Variants in CSMD3 observed in about 807,000 individuals in gnomAD.
The protein encoded by CSMD3 is CUB and sushi domain-containing protein 3.
A neutral mutation model predicts 435.2 loss-of-function variants in CSMD3; 177 were observed. The ratio of observed to expected loss-of-function variants is 0.41; its 90% CI spans 0.36 to 0.46. The LOEUF (loss-of-function observed/expected upper bound fraction) is 0.46, where lower values mean the gene tolerates loss of function less well. Ranked by LOEUF, CSMD3 falls within the 20% of genes least tolerant of loss-of-function variation. The pLI, the probability that CSMD3 is intolerant of heterozygous loss-of-function variation, is 0.34. For synonymous variants in CSMD3, 1,656 were observed against 1,520.5 expected (o/e 1.09, Z -2.07); for missense variants, 4,265 against 4,504.6 (o/e 0.95, Z 1.52).
At chr8:112,488,450 G>T (rs746468617) in intron 31 of CSMD3, among the ~76,000 whole-genome samples, 3 of 152,130 alleles carry the variant, frequency 2.0e-5, no homozygotes, top group Admixed American at 6.5e-5. Context: ...GATCATGTTG[G>T]TATTTGCTTC....
chr8:112,571,084 T>C (rs1829473656), intron 24 of CSMD3, among the ~76,000 whole-genome samples: 1 of 152,198 alleles, frequency 6.6e-6, no homozygotes, highest in Admixed American at 6.5e-5. Context: ...CTTGGCTCAC[T>C]GCAACCTCTC....
intron 13 of CSMD3, among the ~76,000 whole-genome samples, chr8:112,718,848 A>G (rs183333059): frequency 6.6e-6 from 1 of 152,210 alleles, no homozygotes; most frequent in African/African-American, 2.4e-5. Flanking sequence ...CCCATTACCT[A>G]ACACAGTGCC....
intron 3 of CSMD3, among the ~76,000 whole-genome samples, chr8:113,259,837 A>ATGGTTTGGGAC (rs2093412699): frequency 6.6e-6 from 1 of 152,124 alleles, no homozygotes; most frequent in Non-Finnish European, 1.5e-5. Flanking sequence ...GAGCAGTGAT[A>ATGGTTTGGGAC]TGGTTTGGCT....
At chr8:112,902,528 A>G (rs1333094238) in intron 10 of CSMD3, among the ~76,000 whole-genome samples, 1 of 151,274 alleles carries the variant, frequency 6.6e-6, no homozygotes, top group East Asian at 2.0e-4. Flanking sequence ...ATACTTCTAA[A>G]TATATGAACC....
chr8:112,305,354 TAAC>T (rs1210127052), intron 51 of CSMD3, among the ~76,000 whole-genome samples: 1 of 152,192 alleles, frequency 6.6e-6, no homozygotes, highest in South Asian at 2.1e-4. Context: ...GCGAACAACT[TAAC>T]AATCTTCATT....
intron 4 of CSMD3, among the ~76,000 whole-genome samples, chr8:113,152,431 G>T (rs1335383134): frequency 6.6e-6 from 1 of 152,030 alleles, no homozygotes; most frequent in Admixed American, 6.6e-5. Flanking sequence ...AGACAACTCA[G>T]TATACACATA....
At chr8:112,843,598 T>C (rs898806156) in intron 11 of CSMD3, among the ~76,000 whole-genome samples, 2 of 151,804 alleles carry the variant, frequency 1.3e-5, no homozygotes, top group African/African-American at 4.8e-5. Flanking sequence ...GAGGAAGAAG[T>C]CAGAAGAATG....
chr8:113,133,145 TA>T (rs1289911832), intron 4 of CSMD3, among the ~76,000 whole-genome samples: 8 of 152,102 alleles, frequency 5.3e-5, no homozygotes, highest in African/African-American at 1.4e-4. Flanking sequence ...TGAAAAAATT[TA>T]AAGAATTCTA....
chr8:112,999,825 A>G (rs1049581155), intron 6 of CSMD3, among the ~76,000 whole-genome samples: 1 of 147,420 alleles, frequency 6.8e-6, no homozygotes, highest in African/African-American at 2.6e-5. Context: ...AATAAATGAG[A>G]AAAAAAAAGG....
chr8:113,377,013 GGGAGT>G, intron 1 of CSMD3: 1 of 1,354,280 alleles, frequency 7.4e-7, no homozygotes, highest in Non-Finnish European at 9.8e-7. Flanking sequence ...ACATCTTCTA[GGGAGT>G]GGGGTGGGGT....
At chr8:112,692,005 G>A (rs937521141) in intron 13 of CSMD3, among the ~76,000 whole-genome samples, 2 of 152,036 alleles carry the variant, frequency 1.3e-5, no homozygotes, top group African/African-American at 2.4e-5. Flanking sequence ...GTTTCACTGT[G>A]TTGTCCAGGC....
In CSMD3 at chr8:113,174,003, T is replaced by C. The variant is rs182105422; in HGVS notation, c.515-87A>G. 3.8e-5 allele frequency: 35 copies of C among 929,748 alleles called. No homozygotes were observed. In the African/African-American group the frequency reaches 4.9e-4, roughly 13 times the overall value. 57.6% of individuals were successfully genotyped at this position (929,748 alleles called of 1,614,324 possible). A position where few individuals can be genotyped will look rare whatever the true frequency, so the allele number is the denominator to read the frequency against. On this transcript the variant is annotated intron_variant, in intron 3 of 70. Transcript: ENST00000297405. ...ATGTATAAAATTATATATGTAGATA[T>C]GGATATTCTTATTTCTTTGGAGAAG...
chr8:112,303,155 G>A (rs952688776), intron 52 of CSMD3, among the ~76,000 whole-genome samples: 2 of 152,022 alleles, frequency 1.3e-5, no homozygotes, highest in Non-Finnish European at 2.9e-5. Flanking sequence ...CTATCCATGT[G>A]CCCTTTAAAA....
At chr8:113,281,914 G>A (rs1239919865) in intron 2 of CSMD3, among the ~76,000 whole-genome samples, 6 of 151,832 alleles carry the variant, frequency 4.0e-5, no homozygotes, top group Admixed American at 3.9e-4. Flanking sequence ...GAAAAAGACT[G>A]TATCTTTTCT....
intron 5 of CSMD3, among the ~76,000 whole-genome samples, chr8:113,049,392 G>C (rs1331495527): frequency 6.7e-6 from 1 of 148,694 alleles, no homozygotes; most frequent in Non-Finnish European, 1.5e-5. Context: ...GATTTTCTCT[G>C]TTCTAGTAGG....
rs770668487 is a variant in CSMD3, at chr8:112,335,331, T to C, written c.7163A>G (p.His2388Arg). Residue 2388 changes from histidine (H) to arginine (R), a missense_variant and splice_region_variant, in exon 45 of 71, where the codon CAC becomes CGC. This residue lies in a region of CSMD3 where 3,255 missense variants were observed against 3,380.2 expected (regional missense o/e 0.96). Coordinates refer to ENST00000297405, the MANE Select transcript of CSMD3 (RefSeq NM_198123.2). ...TTSGFFVLSY[H>R]AYQLRVCQPP... ...AGGAACTCTCAGATAATACCAACCG[T>C]GATAACTGAGCACAAAAAAGCCACT... is the stretch of plus-strand genomic sequence containing the variant. The C allele has an allele frequency of 4.3e-6, 7 of 1,613,790 alleles. No individual in the cohort carries two copies. The South Asian group carries it at 7.7e-5, about 18-fold the overall frequency.
rs555890330 is a variant in CSMD3 at position 112,812,385 on chromosome 8, C to G, written c.1860-12111G>C. ...GGCAGGCCACTGTGCATGCAGACAG[C>G]CCACCCCAAGGAAAACCTGGGGAGA... On this transcript the variant is annotated intron_variant, in intron 12 of 70. Coordinates refer to ENST00000297405, the MANE Select transcript of CSMD3 (RefSeq NM_198123.2). Among the ~76,000 whole-genome samples, 12 of 152,254 alleles carry G rather than the reference C, an allele frequency of 7.9e-5. No individual in the cohort carries two copies. In the South Asian group the frequency reaches 2.3e-3, roughly 29 times the overall value.
intron 1 of CSMD3, among the ~76,000 whole-genome samples, chr8:113,336,317 C>G (rs566742303): frequency 9.4e-5 from 14 of 149,090 alleles, no homozygotes; most frequent in Non-Finnish European, 1.5e-4. Flanking sequence ...CTGACACTTT[C>G]GCTTGAAAAA....
intron 4 of CSMD3, among the ~76,000 whole-genome samples, chr8:113,115,949 T>C (rs1390572258): frequency 6.6e-6 from 1 of 152,108 alleles, no homozygotes; most frequent in Non-Finnish European, 1.5e-5. Flanking sequence ...CTCCCCTTCC[T>C]CTATGTGAGG....
Sources: gnomAD v4.1 joint callset for allele counts (sites outside exome capture counted in the v4.1 genomes callset) on GRCh38, gnomAD v4.1.1 for gene constraint, gnomAD v4.1.1 regional missense constraint, MANE v1.5 for transcripts, NCBI Gene and HGNC (gene_info 2026-07-23, HGNC 2026-07-21) for gene names.